Variants in CLEC19A observed in about 807,000 individuals in gnomAD.
CLEC19A encodes the protein C-type lectin domain containing 19A.
In CLEC19A, 21 loss-of-function variants were observed where a neutral mutation model predicts 26.1. The observed-to-expected ratio is 0.80, with a 90% CI of 0.57 to 1.16. The LOEUF (loss-of-function observed/expected upper bound fraction) is 1.16, where lower values mean the gene tolerates loss of function less well. Ranked by LOEUF, CLEC19A falls within the 50% of genes most tolerant of loss-of-function variation. CLEC19A has a pLI of 0.00. For missense variants in CLEC19A, 224 were observed against 227.6 expected (o/e 0.98, Z 0.10); for synonymous variants, 89 against 88.6 (o/e 1.00, Z -0.03).
intron 2 of CLEC19A, 103 bp downstream of exon 2, chr16:19,298,941 CTA>C (rs1320801393): frequency 1.0e-5 from 13 of 1,283,840 alleles, no homozygotes; most frequent in Non-Finnish European, 1.4e-5. Context: ...GTAATTGAAA[CTA>C]TTTGAAAAAA....
At chr16:19,291,216 T>C (rs1897577134) in intron 1 of CLEC19A, among the ~76,000 whole-genome samples, 2 of 152,206 alleles carry the variant, frequency 1.3e-5, no homozygotes, top group African/African-American at 2.4e-5. Flanking sequence ...CTGTGTAGTA[T>C]ACCACACAGT....
intron 4 of CLEC19A, among the ~76,000 whole-genome samples, chr16:19,308,558 G>C (rs913958110): frequency 6.6e-6 from 1 of 152,194 alleles, no homozygotes; most frequent in African/African-American, 2.4e-5. Flanking sequence ...TTGCTGATGA[G>C]GAAAACGAGG....
At chr16:19,302,144 G>T (rs1897849019) in intron 2 of CLEC19A, among the ~76,000 whole-genome samples, 1 of 151,966 alleles carries the variant, frequency 6.6e-6, no homozygotes, top group African/African-American at 2.4e-5. Context: ...CTCCAAGAGT[G>T]TATGTTAAGT....
rs1898051295 is a variant in CLEC19A at position 19,310,664 on chromosome 16, A to C, written c.*1581A>C. 1 of 152,200 alleles carries C rather than the reference A, an allele frequency of 6.6e-6. No individual in the cohort carries two copies. The highest frequency in any genetic ancestry group is 1.9e-4 in the East Asian group (1 of 5,196). 9.4% of individuals were successfully genotyped at this position (152,200 alleles called of 1,614,324 possible). A position where few individuals can be genotyped will look rare whatever the true frequency, so the allele number is the denominator to read the frequency against. ...ACTACAACCTGAATGAACCTGAAAA[A>C]CATTATGCTTCCAGTCACAAAAGAC... is the stretch of plus-strand genomic sequence containing the variant. On this transcript the variant is annotated 3_prime_UTR_variant, in exon 5 of 5. Transcript: ENST00000636231.
At chr16:19,307,750 G>T (rs1897987760) in intron 4 of CLEC19A, 73 bp downstream of exon 4, 1 of 1,527,142 alleles carries the variant, frequency 6.5e-7, no homozygotes, top group Non-Finnish European at 8.8e-7. Context: ...GCGGAGAAGG[G>T]CCTTGGGGGA....
At chr16:19,300,911 GAAAT>G (rs1897805654) in intron 2 of CLEC19A, among the ~76,000 whole-genome samples, 1 of 152,140 alleles carries the variant, frequency 6.6e-6, no homozygotes, top group Admixed American at 6.5e-5. Flanking sequence ...GAGGGGGAAA[GAAAT>G]ACTCTGGTTT....
intron 1 of CLEC19A, among the ~76,000 whole-genome samples, chr16:19,290,484 G>A (rs943940193): frequency 3.3e-5 from 5 of 151,880 alleles, no homozygotes; most frequent in East Asian, 1.9e-4. Flanking sequence ...TCCTCCCCCC[G>A]GAACACTCTT....
intron 1 of CLEC19A, among the ~76,000 whole-genome samples, chr16:19,295,756 T>C (rs980425483): frequency 3.9e-5 from 6 of 152,150 alleles, no homozygotes; most frequent in African/African-American, 1.4e-4. Flanking sequence ...GTAGAAATGA[T>C]TTGCTGCTTC....
chr16:19,305,419 A>T (rs924616609), intron 3 of CLEC19A, among the ~76,000 whole-genome samples: 1 of 152,162 alleles, frequency 6.6e-6, no homozygotes, highest in Non-Finnish European at 1.5e-5. Flanking sequence ...GCTGAAGAGG[A>T]TAGCTTGGAC....
rs771606047 is a variant in CLEC19A at position 19,298,820 on chromosome 16, A to G, written c.236A>G (p.Lys79Arg). ...SEFSVGRKSA[K>R]LASIHSWEEN... ...TTCTCTGTGGGCAGGAAGTCCGCCA[A>G]GCTGGCCTCCATCCACAGGTAAGTG... The change falls in exon 2 of 5, where the codon AAG becomes AGG. Residue 79 changes from lysine (K) to arginine (R), a missense_variant. By Grantham distance (26) the Lys-to-Arg change is conservative. Transcript: ENST00000636231. 5 of 1,550,494 alleles carry G rather than the reference A, an allele frequency of 3.2e-6. No homozygotes were observed. Among genetic ancestry groups the G allele is most frequent in the South Asian group, 1.2e-5 (1 of 84,046 alleles).
chr16:19,293,163 T>G (rs1597080821), intron 1 of CLEC19A, among the ~76,000 whole-genome samples: 1 of 152,244 alleles, frequency 6.6e-6, no homozygotes, highest in South Asian at 2.1e-4. Flanking sequence ...TATCCAACAA[T>G]GCTAAGAAAT....
intron 4 of CLEC19A, 34 bp downstream of exon 4, chr16:19,307,711 G>A: frequency 6.5e-7 from 1 of 1,546,690 alleles, no homozygotes; most frequent in Non-Finnish European, 8.7e-7. Flanking sequence ...TCTTGCAGGG[G>A]AGCCCAGGAG....
At chr16:19,291,508 GATTGAGTGTATTTTTCTGTATCAAGC>G (rs1233533281) in intron 1 of CLEC19A, among the ~76,000 whole-genome samples, 2 of 152,318 alleles carry the variant, frequency 1.3e-5, no homozygotes, top group East Asian at 3.9e-4. Context: ...GATGTGTGAA[GATTGAGTGTATTTTTCTGTATCAAGC>G]ATTTAACACA....
chr16:19,310,889 C>A lies in CLEC19A; in HGVS notation c.*1806C>A, dbSNP rs1898055840. 1 of 152,066 alleles carries A rather than the reference C, an allele frequency of 6.6e-6. No homozygotes were observed. Among genetic ancestry groups the A allele is most frequent in the Non-Finnish European group, 1.5e-5 (1 of 68,010 alleles). The allele number at this position is 152,066 out of a possible 1,614,324, so 9.4% of individuals were successfully genotyped here. The stretch of plus-strand genomic sequence containing the variant: ...ATGGCTGCACAATATTGTAAATGTA[C>A]AAGAAGCCACTGAACTGTACATTTT... On this transcript the variant is annotated 3_prime_UTR_variant, in exon 5 of 5. Coordinates refer to ENST00000636231, the MANE Select transcript of CLEC19A (RefSeq NM_001256720.2).
At chr16:19,287,863 A>G (rs974823892) in intron 1 of CLEC19A, among the ~76,000 whole-genome samples, 8 of 152,234 alleles carry the variant, frequency 5.3e-5, no homozygotes, top group Non-Finnish European at 1.5e-5. Flanking sequence ...TGCCATTACT[A>G]TGTTTGCCAC....
At chr16:19,292,643 G>A (rs1897614072) in intron 1 of CLEC19A, among the ~76,000 whole-genome samples, 1 of 152,212 alleles carries the variant, frequency 6.6e-6, no homozygotes, top group Admixed American at 6.5e-5. Context: ...GGAGGAATGT[G>A]TGAATGTTGA....
chr16:19,286,298 C>T (rs1232181751), intron 1 of CLEC19A, among the ~76,000 whole-genome samples: 2 of 152,264 alleles, frequency 1.3e-5, no homozygotes, highest in Non-Finnish European at 2.9e-5. Flanking sequence ...TCTGGCACTA[C>T]AGGAAGATCT....
chr16:19,304,235 G>A, intron 3 of CLEC19A, 80 bp downstream of exon 3: 4 of 1,202,434 alleles, frequency 3.3e-6, no homozygotes, highest in Non-Finnish European at 4.8e-6. Context: ...TTTCACATCA[G>A]TGCCAGGTCA....
chr16:19,294,437 G>A (rs992555302), intron 1 of CLEC19A, among the ~76,000 whole-genome samples: 1 of 152,368 alleles, frequency 6.6e-6, no homozygotes, highest in Admixed American at 6.5e-5. Flanking sequence ...TAACACCCAC[G>A]TGGGGTAGGA....
Sources: allele counts gnomAD v4.1 joint callset (sites outside exome capture counted in the v4.1 genomes callset), GRCh38; gene constraint gnomAD v4.1.1; transcripts MANE v1.5; gene names NCBI Gene and HGNC (gene_info 2026-07-23, HGNC 2026-07-21).